The following ACER2 variants were observed in gnomAD, a reference collection of about 807,000 sequenced individuals.
The protein encoded by ACER2 is alkaline ceramidase 2, also known as alkCDase 2.
Under a neutral mutation model 34.7 loss-of-function variants are expected in ACER2, and 26 were observed. The observed-to-expected ratio is 0.75, with a 90% CI of 0.55 to 1.04. ACER2 has a LOEUF of 1.04. Among genes scored for constraint, ACER2 ranks in the 50% least tolerant of loss-of-function variants. The probability of loss-of-function intolerance (pLI) is 0.00; values close to 1 mark genes in which losing one functional copy is unlikely to be tolerated. For synonymous variants in ACER2, 138 were observed against 132.1 expected (o/e 1.04, Z -0.31); for missense variants, 352 against 340.8 (o/e 1.03, Z -0.26).
chr9:19,431,601 C>G (rs1830755022), intron 3 of ACER2, among the ~76,000 whole-genome samples: 1 of 152,210 alleles, frequency 6.6e-6, no homozygotes, highest in South Asian at 2.1e-4. Flanking sequence ...GGCCCTCACC[C>G]TGAGGCTGGA....
rs572664613 is a variant in ACER2, at chr9:19,432,744, AAT to A, written c.366-2198_366-2197del. On this transcript the variant is annotated intron_variant, in intron 3 of 5. Coordinates refer to ENST00000340967, the MANE Select transcript of ACER2 (RefSeq NM_001010887.3). Reference sequence around the variant, plus strand: ...TATATATTCTTTACACATATATATAAATATATTTAATTAAAAATATACATATA... The same window carrying A: ...TATATATTCTTTACACATATATATAAATATTTAATTAAAAATATACATATA... 3.4e-3 allele frequency among the ~76,000 whole-genome samples: 506 copies of A among 147,892 alleles called. 3 individuals carry two copies. The highest frequency in any genetic ancestry group is 0.012 in the African/African-American group (483 of 40,866).
chr9:19,424,104 A>C, intron 2 of ACER2, 128 bp downstream of exon 2: 1 of 930,650 alleles, frequency 1.1e-6, no homozygotes, highest in Admixed American at 2.4e-5. Flanking sequence ...AGGTCTTAGC[A>C]AACTTTTTTT....
At chr9:19,409,701 A>G in intron 1 of ACER2, 1 of 977,760 alleles carries the variant, frequency 1.0e-6, no homozygotes, top group African/African-American at 1.8e-5. Flanking sequence ...CCCCAAGAAC[A>G]TGCCTATAAT....
intron 4 of ACER2, among the ~76,000 whole-genome samples, chr9:19,439,632 G>A (rs1228828607): frequency 6.6e-6 from 1 of 152,128 alleles, no homozygotes; most frequent in Non-Finnish European, 1.5e-5. Flanking sequence ...CACATCTCTA[G>A]CTACTACCCT....
At chr9:19,431,256 G>A (rs1484308750) in intron 3 of ACER2, among the ~76,000 whole-genome samples, 1 of 152,194 alleles carries the variant, frequency 6.6e-6, no homozygotes, top group African/African-American at 2.4e-5. Flanking sequence ...GTGAGGCAGA[G>A]TGTCTTAATT....
chr9:19,416,074 T>A (rs1041090496), intron 1 of ACER2, among the ~76,000 whole-genome samples: 37 of 151,690 alleles, frequency 2.4e-4, no homozygotes, highest in African/African-American at 7.3e-4. Context: ...TTTTTTTTTT[T>A]ACAAGAACAC....
intron 4 of ACER2, chr9:19,446,080 G>A (rs201890640): frequency 2.5e-6 from 2 of 812,540 alleles, no homozygotes; most frequent in East Asian, 2.5e-5. Context: ...AAGCCTGGGT[G>A]GGAAGGGTGT....
chr9:19,409,338 G>A (rs1329846664), intron 1 of ACER2, 146 bp downstream of exon 1: 6 of 710,466 alleles, frequency 8.4e-6, no homozygotes, highest in Non-Finnish European at 1.4e-5. Flanking sequence ...CCCCCTCCTC[G>A]GCGCGCTCCT....
At chr9:19,434,093 C>T (rs1287092586) in intron 3 of ACER2, among the ~76,000 whole-genome samples, 3 of 144,744 alleles carry the variant, frequency 2.1e-5, no homozygotes, top group South Asian at 2.3e-4. Flanking sequence ...ACCTCCCAGA[C>T]GGGGTGGCGG....
chr9:19,418,915 G>A (rs576189835), intron 1 of ACER2, among the ~76,000 whole-genome samples: 3 of 149,366 alleles, frequency 2.0e-5, no homozygotes, highest in East Asian at 1.9e-4. Flanking sequence ...GGCCGGGTGC[G>A]GTGGCCTGTG....
At chr9:19,431,019 G>A (rs1300984491) in intron 3 of ACER2, among the ~76,000 whole-genome samples, 1 of 151,700 alleles carries the variant, frequency 6.6e-6, no homozygotes, top group East Asian at 1.9e-4. Context: ...AAAAACCCAT[G>A]TTTTTTTCAA....
Position 19,418,906 on chromosome 9 carries a change from G to A in ACER2, c.109-4956G>A, listed in dbSNP as rs61140943. Among the ~76,000 whole-genome samples the A allele has an allele frequency of 9.8e-3, 1,494 of 152,312 alleles. 26 individuals carry two copies. The highest frequency in any genetic ancestry group is 0.034 in the African/African-American group (1,407 of 41,570). Reference sequence around the variant, plus strand: ...AACAATGAATAAAAGCCTACTGCTGGCCGGGTGCGGTGGCCTGTGCCTGTA... The same window carrying A: ...AACAATGAATAAAAGCCTACTGCTGACCGGGTGCGGTGGCCTGTGCCTGTA... On this transcript the variant is annotated intron_variant, in intron 1 of 5. Coordinates refer to ENST00000340967, the MANE Select transcript of ACER2 (RefSeq NM_001010887.3).
At position 19,432,097 on chromosome 9, in the gene ACER2, C is replaced by T. The variant is rs892218337; in HGVS notation, c.366-2850C>T. Among the ~76,000 whole-genome samples, 3 of 152,154 alleles carry T rather than the reference C, an allele frequency of 2.0e-5. No individual in the cohort carries two copies. In the South Asian group the frequency reaches 6.2e-4, roughly 32 times the overall value. ...AGAAAGAGCGTGTCTAGGATCACGT[C>T]GCCACTTCCGGCTCTTTCTACTGAA... On this transcript the variant is annotated intron_variant, in intron 3 of 5. Transcript: ENST00000340967.
Position 19,450,505 on chromosome 9 carries a change from G to A in ACER2, c.697G>A (p.Asp233Asn). 6.2e-7 allele frequency: 1 copy of A among 1,612,310 alleles called. No individual in the cohort carries two copies. The highest frequency in any genetic ancestry group is 8.5e-7 in the Non-Finnish European group (1 of 1,178,618). Residue 233 changes from aspartate (D) to asparagine (N), a missense_variant, in exon 6 of 6, where the codon GAT (aspartate) becomes AAT (asparagine). Transcript: ENST00000340967. Reference sequence around the variant, plus strand: ...GGGCTGTGTATGCTTTGCCTACTTTGATGCTGCCTCAGAGATTCCTGAGCA... The same window carrying A: ...GGGCTGTGTATGCTTTGCCTACTTTAATGCTGCCTCAGAGATTCCTGAGCA... The part of the protein sequence containing the change: ...YLGCVCFAYF[D>N]AASEIPEQGP...
At chr9:19,441,608 T>C (rs148391247) in intron 4 of ACER2, among the ~76,000 whole-genome samples, 1 of 152,286 alleles carries the variant, frequency 6.6e-6, no homozygotes, top group East Asian at 1.9e-4. Context: ...GGCTGAGCTA[T>C]TTATATGCTG....
chr9:19,449,478 A>G (rs1461694252), intron 5 of ACER2, among the ~76,000 whole-genome samples: 1 of 152,194 alleles, frequency 6.6e-6, no homozygotes, highest in East Asian at 1.9e-4. Context: ...TTTGTGCCAT[A>G]CTGGTTTTAA....
chr9:19,409,794 G>A (rs1344590768), intron 1 of ACER2: 1 of 984,952 alleles, frequency 1.0e-6, no homozygotes, highest in Admixed American at 6.2e-5. Context: ...TGTGCAAGCC[G>A]CTAATTCAAC....
rs755673559 is a variant in ACER2, at chr9:19,435,061, A to C, written c.480A>C (p.Ala160=). 10 of 1,614,020 alleles carry C rather than the reference A, an allele frequency of 6.2e-6. No individual in the cohort carries two copies. Among genetic ancestry groups the C allele is most frequent in the African/African-American group, 4.0e-5 (3 of 74,918 alleles). ...SLMTLGVPCT[A]LLIAELKRCD... is the part of the protein sequence containing the mutation. ...TGACCCTGGGAGTTCCTTGCACTGC[A>C]CTGCTCATCGCAGAGCTAAAGAGGT... The change falls in exon 4 of 6, where the codon GCA becomes GCC. Residue 160 remains alanine, a synonymous_variant. Coordinates refer to ENST00000340967, the MANE Select transcript of ACER2 (RefSeq NM_001010887.3).
chr9:19,429,294 G>A (rs967523866), intron 3 of ACER2, among the ~76,000 whole-genome samples: 17 of 152,130 alleles, frequency 1.1e-4, no homozygotes, highest in African/African-American at 3.9e-4. Context: ...AGAAAAAAAT[G>A]AGAACAAGGA....
Sources: gnomAD v4.1 joint callset for allele counts (sites outside exome capture counted in the v4.1 genomes callset) on GRCh38, gnomAD v4.1.1 for gene constraint, MANE v1.5 for transcripts, NCBI Gene and HGNC (gene_info 2026-07-23, HGNC 2026-07-21) for gene names.